The following TNXB variants were observed in gnomAD, a reference collection of about 807,000 sequenced individuals.
TNXB encodes the protein tenascin-X.
In TNXB, 183 loss-of-function variants were observed where a neutral mutation model predicts 340.5. The observed-to-expected ratio is 0.54, with a 90% CI of 0.48 to 0.61. TNXB has a LOEUF of 0.61. TNXB is among the 20% of genes least tolerant of loss of function. TNXB has a pLI of 0.00. For missense variants in TNXB, 4,613 were observed against 5,446.4 expected, an observed-to-expected ratio of 0.85 and a Z score of 4.82; for synonymous variants, 2,121 against 2,314.5, an observed-to-expected ratio of 0.92 and a Z score of 2.40.
Position 32,089,091 on chromosome 6 carries a change from T to A in TNXB, c.2516-43A>T. 1 of 1,595,606 alleles carries A rather than the reference T, an allele frequency of 6.3e-7. No homozygotes were observed. Among genetic ancestry groups the A allele is most frequent in the Non-Finnish European group, 8.6e-7 (1 of 1,169,296 alleles). The stretch of plus-strand genomic sequence containing the variant: ...GAGGACTCAGGTGGGTGTCTGGTTC[T>A]TCAATCATCATCTTTCCTTCCAAGA... On this transcript the variant is annotated intron_variant, in intron 5 of 43. Transcript: ENST00000644971. The surrounding 1 kb of genome is among the most constrained non-coding windows in gnomAD (Gnocchi z 6.2).
rs201584548 is a variant in TNXB at position 32,052,852 on chromosome 6, C to T, written c.8933G>A (p.Arg2978His). ...LSLSWTIPQG[R>H]FDSFTVQYKD... ...GTACTGCACAGTGAAGGAGTCGAAG[C>T]GGCCCTGGGGGATGGTCCAGGAGAG... Residue 2978 changes from arginine (R) to histidine (H), a missense_variant, in exon 26 of 44, where the codon CGC (arginine) becomes CAC (histidine). Transcript: ENST00000644971. This position sits in a 1 kb window ranked among gnomAD's most constrained non-coding sequence, Gnocchi z 4.7. The T allele has an allele frequency of 4.7e-4, 758 of 1,613,346 alleles. 4 individuals carry two copies. In the African/African-American group the frequency reaches 8.5e-3, roughly 18 times the overall value.
Position 32,056,688 on chromosome 6 carries a change from C to A in TNXB, c.8041G>T (p.Val2681Phe), listed in dbSNP as rs1436666367. Residue 2681 changes from valine to phenylalanine, a missense_variant, in exon 23 of 44, where the codon GTC becomes TTC. By Grantham distance (50) the Val-to-Phe change is conservative. This residue lies in a region of TNXB where 4,327 missense variants were observed against 4,859.4 expected (regional missense o/e 0.89). Transcript: ENST00000644971. ...AVRVPGHEDG[V>F]TISGLEPDHK... ...TCTGGCTCCAGGCCTGAGATGGTGA[C>A]CCCGTCCTCGTGCCCCGGCACCCGC... 6.2e-7 allele frequency: 1 copy of A among 1,613,134 alleles called. No individual in the cohort carries two copies. Among genetic ancestry groups the A allele is most frequent in the Admixed American group, 1.7e-5 (1 of 60,024 alleles).
Position 32,058,241 on chromosome 6 carries a change from G to A in TNXB, c.7642C>T (p.Arg2548Cys), listed in dbSNP as rs1215979713. 22 of 1,612,318 alleles carry A rather than the reference G, an allele frequency of 1.4e-5. No homozygotes were observed. Among genetic ancestry groups the A allele is most frequent in the South Asian group, 4.4e-5 (4 of 91,064 alleles). ...LSLSWTVPQG[R>C]FDSFTVQYKD... The stretch of plus-strand genomic sequence containing the variant: ...TACTGCACGGTGAAGGAGTCAAAGC[G>A]GCCCTGGGGGACGGTCCAGGAAAGG... Residue 2548 changes from arginine to cysteine, a missense_variant, in exon 22 of 44, where the codon CGC (arginine) becomes TGC (cysteine). Arg to Cys is a radical substitution (Grantham distance 180). Transcript: ENST00000644971. The surrounding 1 kb of genome is among the most constrained non-coding windows in gnomAD (Gnocchi z 5.1).
At chr6:32,060,929 G>T (rs1426828181) in intron 21 of TNXB, among the ~76,000 whole-genome samples, 1 of 152,002 alleles carries the variant, frequency 6.6e-6, no homozygotes, top group African/African-American at 2.4e-5. Context: ...GTAAGCCACT[G>T]TGCCCAGCCT....
At chr6:32,094,975 TG>T in intron 4 of TNXB, 100 bp downstream of exon 4, 1 of 971,014 alleles carries the variant, frequency 1.0e-6, no homozygotes, top group African/African-American at 1.6e-5. Context: ...CCCAGCCATC[TG>T]GACTCAACCA....
intron 1 of TNXB, among the ~76,000 whole-genome samples, chr6:32,106,705 C>G (rs896796513): frequency 3.9e-5 from 6 of 152,174 alleles, no homozygotes; most frequent in Non-Finnish European, 7.4e-5. Flanking sequence ...GCCTGGCATA[C>G]AGAGAGCTGC....
chr6:32,048,889 A>C (rs999403117), intron 28 of TNXB, among the ~76,000 whole-genome samples: 1 of 152,248 alleles, frequency 6.6e-6, no homozygotes, highest in Non-Finnish European at 1.5e-5. Context: ...TCTGAAGCAC[A>C]AGGTTAGGAA....
Position 32,041,602 on chromosome 6 carries a change from A to C in TNXB, c.12634-152T>G. The C allele has an allele frequency of 2.8e-6, 3 of 1,073,836 alleles. No homozygotes were observed. In the South Asian group the frequency reaches 4.1e-5, roughly 15 times the overall value. The allele number at this position is 1,073,836 out of a possible 1,614,324, so 66.5% of individuals were successfully genotyped here. The stretch of plus-strand genomic sequence containing the variant: ...TGCAGAGGATTGAGGCTTAATTCTG[A>C]GCTGGCCCTTTCCAGCCAATAAATC... On this transcript the variant is annotated intron_variant, in intron 43 of 43. Transcript: ENST00000644971.
In TNXB at chr6:32,050,694, G is replaced by A. The variant is rs577788040; in HGVS notation, c.9116-373C>T. 2.1e-3 allele frequency among the ~76,000 whole-genome samples: 321 copies of A among 152,112 alleles called. 3 individuals are homozygous for A. The highest frequency in any genetic ancestry group is 7.4e-3 in the African/African-American group (306 of 41,474). ...GCAACAAGCTCAGCACACTCCTCCC[G>A]AGGCCAGAGCCTGGGGTGTGTTCCT... On this transcript the variant is annotated intron_variant, in intron 26 of 43. Transcript: ENST00000644971.
chr6:32,042,376 G>C lies in TNXB; in HGVS notation c.12211-14C>G. 4 of 1,591,438 alleles carry C rather than the reference G, an allele frequency of 2.5e-6. No individual in the cohort carries two copies. Among genetic ancestry groups the C allele is most frequent in the Non-Finnish European group, 3.4e-6 (4 of 1,165,724 alleles). ...GCGCTGGAACACCTGGGAAGCAAGT[G>C]GGGGCACCATCAGCCTCTGGCTCCC... On this transcript the variant is annotated splice_polypyrimidine_tract_variant and intron_variant, in intron 40 of 43. Transcript: ENST00000644971.
intron 1 of TNXB, among the ~76,000 whole-genome samples, chr6:32,106,887 T>G (rs981160600): frequency 1.3e-5 from 2 of 152,212 alleles, no homozygotes; most frequent in Admixed American, 1.3e-4. Flanking sequence ...TACAAATATA[T>G]TAATGTGTGC....
rs1244421383 is a variant in TNXB at position 32,079,196 on chromosome 6, C to A, written c.4212G>T (p.Val1404=). The A allele has an allele frequency of 9.9e-6, 16 of 1,613,914 alleles. No individual in the cohort carries two copies. The highest frequency in any genetic ancestry group is 1.3e-5 in the Non-Finnish European group (15 of 1,179,890). Residue 1404 remains valine, a synonymous_variant, in exon 11 of 44, where the codon GTG becomes GTT. Coordinates refer to ENST00000644971, the MANE Select transcript of TNXB (RefSeq NM_001365276.2). The surrounding 1 kb of genome is among the most constrained non-coding windows in gnomAD (Gnocchi z 7.1). ...VPQGSFDSFT[V]QYKDRDGRPR... ...GCCGCCCATCCCTGTCCTTGTACTG[C>A]ACGGTGAAAGAGTCGAAGCTGCCCT...
rs766241196 is a variant in TNXB, at chr6:32,097,992, C to G, written c.207G>C (p.Lys69Asn). 1 of 1,607,344 alleles carries G rather than the reference C, an allele frequency of 6.2e-7. No homozygotes were observed. The highest frequency in any genetic ancestry group is 1.7e-5 in the Admixed American group (1 of 60,014). ...LYEHTVEGGE[K>N]QVVFTHRINL... ...TAATGCGGTGGGTGAATACCACCTG[C>G]TTCTCCCCTCCTTCCACTGTGTGCT... is the stretch of plus-strand genomic sequence containing the variant. Residue 69 changes from lysine to asparagine, a missense_variant, in exon 2 of 44, where the codon AAG becomes AAC. Physicochemically the swap from Lys to Asn is moderately conservative, Grantham distance 94. This residue lies in a region of TNXB where 4,327 missense variants were observed against 4,859.4 expected (regional missense o/e 0.89). Transcript: ENST00000644971. The surrounding 1 kb of genome is among the most constrained non-coding windows in gnomAD (Gnocchi z 5.9).
chr6:32,078,711 A>G (rs942213986), intron 11 of TNXB: 2 of 355,646 alleles, frequency 5.6e-6, no homozygotes, highest in African/African-American at 4.4e-5. Flanking sequence ...AACAATTCTC[A>G]CAGCAGACAC....
At chr6:32,104,975 T>C (rs1475219464) in intron 1 of TNXB, among the ~76,000 whole-genome samples, 1 of 152,052 alleles carries the variant, frequency 6.6e-6, no homozygotes, top group Non-Finnish European at 1.5e-5. Context: ...CCCTCTACAG[T>C]CTCACAAACG....
At chr6:32,056,536 A>C in intron 23 of TNXB, 50 bp downstream of exon 23, 1 of 1,597,416 alleles carries the variant, frequency 6.3e-7, no homozygotes, top group Non-Finnish European at 8.5e-7. Flanking sequence ...AAAGAGCAAG[A>C]GGGTGACCCT....
rs1321595318 is a variant in TNXB, at chr6:32,089,369, G to A, written c.2369C>T (p.Ala790Val). 3.7e-6 allele frequency: 6 copies of A among 1,605,784 alleles called. No individual in the cohort carries two copies. The highest frequency in any genetic ancestry group is 2.2e-5 in the South Asian group (2 of 89,236). The stretch of plus-strand genomic sequence containing the variant: ...AACCCGTGCTGTGAATGGGGGGCTC[G>A]CCCCCTCTGTCTGTGAGAGAGAGCA... The part of the protein sequence containing the change: ...EIQFIPTTEG[A>V]SPPFTARVPS... The change falls in exon 5 of 44, where the codon GCG (alanine) becomes GTG (valine). Residue 790 changes from alanine to valine, a missense_variant. By Grantham distance (64) the Ala-to-Val change is moderately conservative (BLOSUM62 0). This residue lies in a region of TNXB where 4,327 missense variants were observed against 4,859.4 expected (regional missense o/e 0.89). Coordinates refer to ENST00000644971, the MANE Select transcript of TNXB (RefSeq NM_001365276.2). This position sits in a 1 kb window ranked among gnomAD's most constrained non-coding sequence, Gnocchi z 6.2.
In TNXB at chr6:32,061,700, T is replaced by C; in HGVS notation, c.7189A>G (p.Ser2397Gly). The change falls in exon 21 of 44, where the codon AGC (serine) becomes GGC (glycine). Residue 2397 changes from serine (S) to glycine (G), a missense_variant. Physicochemically the swap from Ser to Gly is moderately conservative, Grantham distance 56. This residue lies in a region of TNXB where 4,327 missense variants were observed against 4,859.4 expected (regional missense o/e 0.89). Transcript: ENST00000644971. This position sits in a 1 kb window ranked among gnomAD's most constrained non-coding sequence, Gnocchi z 4.4. ...GVTAAEEETPSPTEPSMEAPE... is the reference protein window; with the variant it reads ...GVTAAEEETPGPTEPSMEAPE... ...GCCTCCATGCTGGGTTCTGTGGGGC[T>C]GGGGGTCTCTTCCTCTGCAGCTGAG... 1 of 1,611,544 alleles carries C rather than the reference T, an allele frequency of 6.2e-7. No individual in the cohort carries two copies. Among genetic ancestry groups the C allele is most frequent in the Non-Finnish European group, 8.5e-7 (1 of 1,178,980 alleles).
chr6:32,049,897 G>A lies in TNXB; in HGVS notation c.9439+101C>T. 5 of 1,555,632 alleles carry A rather than the reference G, an allele frequency of 3.2e-6. No individual in the cohort carries two copies. The highest frequency in any genetic ancestry group is 2.7e-5 in the African/African-American group (2 of 73,902). On this transcript the variant is annotated intron_variant, in intron 27 of 43. Transcript: ENST00000644971. The surrounding 1 kb of genome is among the most constrained non-coding windows in gnomAD (Gnocchi z 4.5). ...AGCCCCAGCCACAAGCAGTTCTGTG[G>A]TGCTGACCAGACCCCTGTCCCATTC... is the stretch of plus-strand genomic sequence containing the variant.
Sources: allele counts gnomAD v4.1 joint callset (sites outside exome capture counted in the v4.1 genomes callset), GRCh38; gene constraint gnomAD v4.1.1; regional missense constraint gnomAD v4.1.1; non-coding constraint Gnocchi (gnomAD v3.1); transcripts MANE v1.5; gene names NCBI Gene and HGNC (gene_info 2026-07-23, HGNC 2026-07-21).